The following TACC1 variants were observed in gnomAD, a reference collection of about 807,000 sequenced individuals.
The protein encoded by TACC1 is transforming acidic coiled-coil-containing protein 1.
A neutral mutation model predicts 84.4 loss-of-function variants in TACC1; 48 were observed. The ratio of observed to expected loss-of-function variants is 0.57; its 90% CI spans 0.45 to 0.72. The LOEUF is 0.72. Among genes scored for constraint, TACC1 ranks in the 30% least tolerant of loss-of-function variants. The pLI, the probability that TACC1 is intolerant of heterozygous loss-of-function variation, is 0.00. For synonymous variants in TACC1, 372 were observed against 376.3 expected, an observed-to-expected ratio of 0.99 and a Z score of 0.13; for missense variants, 920 against 973.0, an observed-to-expected ratio of 0.95 and a Z score of 0.72.
chr8:38,823,597 C>T (rs1430316747), intron 3 of TACC1, among the ~76,000 whole-genome samples: 1 of 152,176 alleles, frequency 6.6e-6, no homozygotes, highest in Non-Finnish European at 1.5e-5. Flanking sequence ...TAGCCTTTTT[C>T]CCCTATTCTG....
At chr8:38,847,572 C>T (rs1409859827) in intron 12 of TACC1, among the ~76,000 whole-genome samples, 7 of 152,220 alleles carry the variant, frequency 4.6e-5, no homozygotes, top group South Asian at 2.1e-4. Flanking sequence ...GCCCCTAGAA[C>T]GGTGCTCCCT....
rs1810318956 is a variant in TACC1, at chr8:38,757,459, A to G, written c.26+11966A>G. On this transcript the variant is annotated intron_variant, in intron 3 of 14. Coordinates refer to the TACC1 transcript ENST00000518415. ...GGCCGCCTTTGGGGGTTTGCGTGCC[A>G]GCCCGGGATGGAGCGCGCTGGGGCC... 2.7e-6 allele frequency: 3 copies of G among 1,107,390 alleles called. No individual in the cohort carries two copies. The African/African-American group carries it at 5.1e-5, about 19-fold the overall frequency. The allele number at this position is 1,107,390 out of a possible 1,614,324, so 68.6% of individuals were successfully genotyped here.
At chr8:38,783,072 ATCTATCTATC>A (rs1816358332), upstream of TACC1, among the ~76,000 whole-genome samples, 1 of 78,440 alleles carries the variant, frequency 1.3e-5, no homozygotes, top group African/African-American at 5.6e-5. Flanking sequence ...GTAAATATCT[ATCTATCTATC>A]TATCTATCTA....
chr8:38,736,250 A>G (rs1805933142), intron 1 of TACC1, among the ~76,000 whole-genome samples: 1 of 152,252 alleles, frequency 6.6e-6, no homozygotes, highest in African/African-American at 2.4e-5. Flanking sequence ...CCTTAATTTC[A>G]TCACATTAGC....
chr8:38,840,129 T>A, intron 8 of TACC1, 95 bp from the exon 9 acceptor site: 1 of 796,266 alleles, frequency 1.3e-6, no homozygotes, highest in Non-Finnish European at 2.1e-6. Flanking sequence ...ATTGTCAGTG[T>A]ATGTTAATGT....
chr8:38,816,607 G>C (rs977840007), intron 2 of TACC1, among the ~76,000 whole-genome samples: 1 of 152,120 alleles, frequency 6.6e-6, no homozygotes, highest in African/African-American at 2.4e-5. Context: ...ACAGAACTCA[G>C]GAAAATACTT....
intron 1 of TACC1, among the ~76,000 whole-genome samples, chr8:38,730,149 C>T (rs181189135): frequency 2.6e-5 from 4 of 152,336 alleles, no homozygotes; most frequent in Admixed American, 1.3e-4. Flanking sequence ...AGTTGATTGA[C>T]GGAGGGATTT....
At chr8:38,824,730 A>G (rs1238838690) in intron 3 of TACC1, 1 of 153,176 alleles carries the variant, frequency 6.5e-6, no homozygotes, top group Non-Finnish European at 1.5e-5. Flanking sequence ...AGCGTGTGAC[A>G]TTCATCTTCC....
intron 3 of TACC1, among the ~76,000 whole-genome samples, chr8:38,774,946 G>A (rs985004870): frequency 1.3e-4 from 19 of 150,776 alleles, no homozygotes; most frequent in African/African-American, 4.7e-4. Flanking sequence ...CAGAGGCAGA[G>A]GTTGCAGTGA....
chr8:38,729,825 C>T (rs1430930040), intron 1 of TACC1, among the ~76,000 whole-genome samples: 3 of 152,036 alleles, frequency 2.0e-5, no homozygotes, highest in Admixed American at 6.6e-5. Flanking sequence ...GCTGAGATCA[C>T]GCCACTGCAC....
chr8:38,781,329 T>G (rs1236967000), intron 3 of TACC1, among the ~76,000 whole-genome samples: 1 of 152,122 alleles, frequency 6.6e-6, no homozygotes, highest in East Asian at 1.9e-4. Flanking sequence ...TATTTTATTT[T>G]GGAGGTGGGG....
intron 6 of TACC1, among the ~76,000 whole-genome samples, chr8:38,832,316 C>G (rs948675248): frequency 6.6e-6 from 1 of 152,078 alleles, no homozygotes; most frequent in Non-Finnish European, 1.5e-5. Context: ...ATAGGAAACA[C>G]GTGGAAAAGA....
intron 12 of TACC1, 54 bp from the exon 13 acceptor site, chr8:38,847,901 G>A: frequency 6.8e-7 from 1 of 1,480,354 alleles, no homozygotes; most frequent in Non-Finnish European, 9.4e-7. Context: ...AACTCTATTT[G>A]CCTTTATTTC....
At chr8:38,793,972 T>G (rs187812509) in intron 2 of TACC1, among the ~76,000 whole-genome samples, 106 of 152,310 alleles carry the variant, frequency 7.0e-4, no homozygotes, top group African/African-American at 2.1e-3. Flanking sequence ...GAAAATGGCT[T>G]TAAGAATGAA....
rs553394193 is a variant in TACC1 at position 38,787,248 on chromosome 8, C to G, written c.-335C>G. The stretch of plus-strand genomic sequence containing the variant: ...GGCCGGGAGGCGGGAGTCCGCGAGC[C>G]GGGAGCGGGAGCAGCAGAGGTCTAG... On this transcript the variant is annotated 5_prime_UTR_variant, in exon 1 of 13. Coordinates refer to ENST00000317827, the MANE Select transcript of TACC1 (RefSeq NM_006283.3). 9.8e-7 allele frequency: 1 copy of G among 1,023,800 alleles called. No individual in the cohort carries two copies. The highest frequency in any genetic ancestry group is 5.8e-5 in the Admixed American group (1 of 17,286). 63.4% of individuals were successfully genotyped at this position (1,023,800 alleles called of 1,614,324 possible).
At chr8:38,773,569 T>G (rs76695567) in intron 3 of TACC1, among the ~76,000 whole-genome samples, 8,536 of 114,464 alleles carry the variant, frequency 0.075, 356 homozygotes, top group Non-Finnish European at 0.12. Flanking sequence ...TATCTATCTA[T>G]CTAGCTAGCT....
intron 3 of TACC1, among the ~76,000 whole-genome samples, chr8:38,761,432 A>G (rs1353247372): frequency 2.0e-5 from 3 of 152,206 alleles, no homozygotes; most frequent in African/African-American, 7.2e-5. Flanking sequence ...GGAGTTTCTG[A>G]CGTCTTCATT....
At chr8:38,825,158 T>C (rs1588025708) in intron 3 of TACC1, 150 bp from the exon 4 acceptor site, 1 of 763,020 alleles carries the variant, frequency 1.3e-6, no homozygotes, top group South Asian at 1.6e-5. Context: ...ATAAAAGGTG[T>C]CCCTGCCTCT....
At chr8:38,817,156 G>T (rs914742634) in intron 2 of TACC1, among the ~76,000 whole-genome samples, 4 of 152,280 alleles carry the variant, frequency 2.6e-5, no homozygotes, top group African/African-American at 9.6e-5. Flanking sequence ...TAAAAGGAGT[G>T]ATAACTATCT....
Sources: gnomAD v4.1 joint callset for allele counts (sites outside exome capture counted in the v4.1 genomes callset) on GRCh38, gnomAD v4.1.1 for gene constraint, MANE v1.5 for transcripts, NCBI Gene and HGNC (gene_info 2026-07-23, HGNC 2026-07-21) for gene names.